LATS1: variants seen among roughly 807,000 people sequenced by gnomAD.
LATS1 encodes serine/threonine-protein kinase LATS1.
In LATS1, 25 loss-of-function variants were observed where a neutral mutation model predicts 106.6. The ratio of observed to expected loss-of-function variants is 0.23; its 90% CI spans 0.17 to 0.33. LATS1 has a LOEUF of 0.33. Ranked by LOEUF, LATS1 falls within the 10% of genes least tolerant of loss-of-function variation. The pLI is 1.00. For synonymous variants in LATS1, 465 were observed against 455.6 expected (o/e 1.02, Z -0.26); for missense variants, 1,040 against 1,382.6 (o/e 0.75, Z 3.93).
Position 149,683,544 on chromosome 6 carries a change from T to G in LATS1, c.1545A>C (p.Thr515=). ...KPELQTALAP[T]HPSWIPQPIQ... ...TTGGCTGTGGTATCCAAGAAGGGTGTGTAGGTGCTAAAGCAGTCTGTAGCT... is the reference window on the plus strand; with the variant it reads ...TTGGCTGTGGTATCCAAGAAGGGTGGGTAGGTGCTAAAGCAGTCTGTAGCT... Residue 515 remains threonine, a synonymous_variant, in exon 4 of 8, where the codon ACA becomes ACC. Transcript: ENST00000543571. 3 of 1,614,146 alleles carry G rather than the reference T, an allele frequency of 1.9e-6. No homozygotes were observed. Among genetic ancestry groups the G allele is most frequent in the Non-Finnish European group, 2.5e-6 (3 of 1,180,028 alleles).
At chr6:149,665,135 G>A (rs1037660424) in intron 7 of LATS1, among the ~76,000 whole-genome samples, 2 of 152,186 alleles carry the variant, frequency 1.3e-5, no homozygotes, top group Non-Finnish European at 2.9e-5. Context: ...GCCGAGGCGG[G>A]TGGATCACTT....
In LATS1 at chr6:149,694,861, C is replaced by T. The variant is rs938054172; in HGVS notation, c.496+213G>A. ...CCAATCAAATAGATCTCAATCTAGA[C>T]TGCTGCTTACCAGAATTATCTATTA... On this transcript the variant is annotated intron_variant, in intron 3 of 7. Transcript: ENST00000543571. Among the ~76,000 whole-genome samples the T allele has an allele frequency of 2.0e-5, 3 of 152,194 alleles. No individual in the cohort carries two copies. The East Asian group carries it at 5.8e-4, about 29-fold the overall frequency.
At chr6:149,663,783 A>C (rs867102748) in intron 7 of LATS1, among the ~76,000 whole-genome samples, 39 of 152,224 alleles carry the variant, frequency 2.6e-4, no homozygotes, top group African/African-American at 8.9e-4. Context: ...AAACAGGAGA[A>C]ATAAAAAATA....
rs1165906630 is a variant in LATS1, at chr6:149,684,486, A to T, written c.603T>A (p.His201Gln). 1.9e-6 allele frequency: 3 copies of T among 1,613,948 alleles called. No homozygotes were observed. The African/African-American group carries it at 4.0e-5, about 22-fold the overall frequency. Residue 201 changes from histidine (H) to glutamine (Q), a missense_variant, in exon 4 of 8, where the codon CAT becomes CAA. Coordinates refer to ENST00000543571, the MANE Select transcript of LATS1 (RefSeq NM_004690.4). The stretch of plus-strand genomic sequence containing the variant: ...CTGTCTGTGAGTTGGGACTCTCAGA[A>T]TGATAGGCCACACTTTCTCCTAGTG... ...GPPLGESVAYHSESPNSQTDV... is the reference protein window; with the variant it reads ...GPPLGESVAYQSESPNSQTDV...
At chr6:149,667,159 C>T (rs1034692220) in intron 7 of LATS1, among the ~76,000 whole-genome samples, 5 of 151,302 alleles carry the variant, frequency 3.3e-5, no homozygotes, top group African/African-American at 9.7e-5. Flanking sequence ...ACTGGCTGTG[C>T]ACGGTGGTGT....
In LATS1 at chr6:149,684,597, G is replaced by A; in HGVS notation, c.497-5C>T. The A allele has an allele frequency of 6.5e-7, 1 of 1,529,932 alleles. No individual in the cohort carries two copies. Among genetic ancestry groups the A allele is most frequent in the South Asian group, 1.3e-5 (1 of 78,696 alleles). The allele number at this position is 1,529,932 out of a possible 1,614,324, so 94.8% of individuals were successfully genotyped here. A position where few individuals can be genotyped will look rare whatever the true frequency, so the allele number is the denominator to read the frequency against. On this transcript the variant is annotated splice_polypyrimidine_tract_variant and splice_region_variant and intron_variant, in intron 3 of 7. Coordinates refer to ENST00000543571, the MANE Select transcript of LATS1 (RefSeq NM_004690.4). ...TAACTGATTGCTGCACATTCCCTATGGTTATAAGAGAGATAAAGAGAAAAA... is the reference window on the plus strand; with the variant it reads ...TAACTGATTGCTGCACATTCCCTATAGTTATAAGAGAGATAAAGAGAAAAA...
At chr6:149,694,212 A>G (rs1460952762) in intron 3 of LATS1, among the ~76,000 whole-genome samples, 5 of 152,272 alleles carry the variant, frequency 3.3e-5, no homozygotes, top group Non-Finnish European at 7.3e-5. Flanking sequence ...AGGTATGTAC[A>G]AAGATTTAGC....
At position 149,693,895 on chromosome 6, in the gene LATS1, G is replaced by A. The variant is rs1463430959; in HGVS notation, c.496+1179C>T. Reference sequence around the variant, plus strand: ...ACTTGAGGTCAGGAGTTCAAGACCAGTCTGGCCAACATGGTGAAACCCCGT... The same window carrying A: ...ACTTGAGGTCAGGAGTTCAAGACCAATCTGGCCAACATGGTGAAACCCCGT... On this transcript the variant is annotated intron_variant, in intron 3 of 7. Transcript: ENST00000543571. Among the ~76,000 whole-genome samples, 6 of 152,014 alleles carry A rather than the reference G, an allele frequency of 3.9e-5. No individual in the cohort carries two copies. In the South Asian group the frequency reaches 1.2e-3, roughly 32 times the overall value.
chr6:149,688,985 T>C (rs111743744), intron 3 of LATS1, among the ~76,000 whole-genome samples: 1 of 151,986 alleles, frequency 6.6e-6, no homozygotes, highest in Non-Finnish European at 1.5e-5. Context: ...CTGGCCAACA[T>C]GGTGAAACCC....
chr6:149,687,364 T>C (rs956935243), intron 3 of LATS1, among the ~76,000 whole-genome samples: 5 of 152,170 alleles, frequency 3.3e-5, no homozygotes, highest in Non-Finnish European at 5.9e-5. Context: ...GTGTTGGGAT[T>C]ACAGGCATGA....
chr6:149,676,362 G>A lies in LATS1; in HGVS notation c.2781C>T (p.Tyr927=), dbSNP rs776665346. 28 of 1,603,324 alleles carry A rather than the reference G, an allele frequency of 1.7e-5. No individual in the cohort carries two copies. The East Asian group carries it at 4.9e-4, about 28-fold the overall frequency. Residue 927 remains tyrosine, a synonymous_variant, in exon 7 of 8, where the codon TAC becomes TAT. Coordinates refer to ENST00000543571, the MANE Select transcript of LATS1 (RefSeq NM_004690.4). ...CACTCCACCAATCACACAACTGTGT[G>A]TATCCTAAAATAACAAAGTTATTTA... ...IAPEVLLRTG[Y]TQLCDWWSVG...
At chr6:149,683,022 T>TTTAAAATTTAAAA in intron 4 of LATS1, 57 bp downstream of exon 4, 1 of 1,374,490 alleles carries the variant, frequency 7.3e-7, no homozygotes, top group Admixed American at 2.3e-5. Context: ...TATTTTAAAA[T>TTTAAAATTTAAAA]AAACACCAAG....
rs188762793 is a variant in LATS1 at position 149,662,361 on chromosome 6, T to C, written c.2884-123A>G. On this transcript the variant is annotated intron_variant, in intron 7 of 7. Coordinates refer to ENST00000543571, the MANE Select transcript of LATS1 (RefSeq NM_004690.4). The stretch of plus-strand genomic sequence containing the variant: ...ATTTTAAATAAATTACATGATATTT[T>C]GCTGGAAAATAATTTTTTCTCCTAT... The C allele has an allele frequency of 5.1e-4, 455 of 889,962 alleles. 1 individual carries two copies. In the African/African-American group the frequency reaches 6.5e-3, roughly 13 times the overall value. 55.1% of individuals were successfully genotyped at this position (889,962 alleles called of 1,614,324 possible).
chr6:149,683,718 G>C lies in LATS1; in HGVS notation c.1371C>G (p.Asn457Lys), dbSNP rs199574764. ...SGHEIPTWQP[N>K]IPVRSNSFNN... ...TAAAAGAATTTGACCTCACTGGTAT[G>C]TTAGGTTGCCATGTAGGGATTTCAT... Residue 457 changes from asparagine (N) to lysine (K), a missense_variant, in exon 4 of 8, where the codon AAC becomes AAG. Asn to Lys is a moderately conservative substitution (Grantham distance 94). This residue lies in a region of LATS1 where 624 missense variants were observed against 714.8 expected (regional missense o/e 0.87). Transcript: ENST00000543571. 5.6e-6 allele frequency: 9 copies of C among 1,614,164 alleles called. No homozygotes were observed.
chr6:149,675,205 G>A (rs1781651841), intron 7 of LATS1, among the ~76,000 whole-genome samples: 1 of 131,634 alleles, frequency 7.6e-6, no homozygotes, highest in Non-Finnish European at 1.6e-5. Flanking sequence ...GACAGAGCAA[G>A]ACTCTGTATC....
chr6:149,666,964 T>G (rs1781186606), intron 7 of LATS1, among the ~76,000 whole-genome samples: 1 of 143,282 alleles, frequency 7.0e-6, no homozygotes, highest in African/African-American at 2.6e-5. Flanking sequence ...AAAAAAATGC[T>G]CCAAATAAGG....
rs754756164 is a variant in LATS1 at position 149,683,619 on chromosome 6, T to C, written c.1470A>G (p.Thr490=). The C allele has an allele frequency of 1.9e-6, 3 of 1,614,260 alleles. No individual in the cohort carries two copies. In the South Asian group the frequency reaches 3.3e-5, roughly 18 times the overall value. ...TCACAGGCTGTTGAATAGGAGCTGG[T>C]GTAATTGCAGTGACTGTTGTAGCAG... is the stretch of plus-strand genomic sequence containing the variant. ...QPSATTVTAI[T]PAPIQQPVKS... The change falls in exon 4 of 8, where the codon ACA becomes ACG. Residue 490 remains threonine (T), a synonymous_variant. Coordinates refer to ENST00000543571, the MANE Select transcript of LATS1 (RefSeq NM_004690.4).
In LATS1 at chr6:149,672,402, G is replaced by T. The variant is rs532878878; in HGVS notation, c.2883+3858C>A. Among the ~76,000 whole-genome samples, 24 of 148,172 alleles carry T rather than the reference G, an allele frequency of 1.6e-4. No homozygotes were observed. The East Asian group carries it at 2.9e-3, about 18-fold the overall frequency. ...ATTTTTTATTTTTAGTAGAGACAGGGTTTCACAATTTGGCCAGGCTGGTCT... is the reference window on the plus strand; with the variant it reads ...ATTTTTTATTTTTAGTAGAGACAGGTTTTCACAATTTGGCCAGGCTGGTCT... On this transcript the variant is annotated intron_variant, in intron 7 of 7. Coordinates refer to ENST00000543571, the MANE Select transcript of LATS1 (RefSeq NM_004690.4).
chr6:149,660,869 A>C lies in LATS1; in HGVS notation c.*860T>G, dbSNP rs2114673620. The stretch of plus-strand genomic sequence containing the variant: ...CATTGATGATATAATCAAAATAGTT[A>C]CTATACAGGAAAAGTATATGAAAAT... On this transcript the variant is annotated 3_prime_UTR_variant, in exon 8 of 8. Transcript: ENST00000543571. 4.8e-6 allele frequency: 1 copy of C among 209,978 alleles called. No individual in the cohort carries two copies. The highest frequency in any genetic ancestry group is 1.5e-3 in the Middle Eastern group (1 of 650). 13.0% of individuals were successfully genotyped at this position (209,978 alleles called of 1,614,324 possible). A position where few individuals can be genotyped will look rare whatever the true frequency, so the allele number is the denominator to read the frequency against.
Sources: gnomAD v4.1 joint callset for allele counts (sites outside exome capture counted in the v4.1 genomes callset) on GRCh38, gnomAD v4.1.1 for gene constraint, gnomAD v4.1.1 regional missense constraint, MANE v1.5 for transcripts, NCBI Gene and HGNC (gene_info 2026-07-23, HGNC 2026-07-21) for gene names.